Variants in WWOX observed in about 807,000 individuals in gnomAD.
WWOX encodes the protein WW domain containing oxidoreductase, also known as WW domain-containing oxidoreductase.
In WWOX, 69 loss-of-function variants were observed where a neutral mutation model predicts 46.2. The ratio of observed to expected loss-of-function variants is 1.49; its 90% CI spans 1.23 to 1.82. WWOX has a LOEUF of 1.82. WWOX is among the 40% of genes most tolerant of loss of function. The probability of loss-of-function intolerance (pLI) is 0.00; values close to 1 mark genes in which losing one functional copy is unlikely to be tolerated. For synonymous variants in WWOX, 359 were observed against 202.6 expected (o/e 1.77, Z -6.56); for missense variants, 919 against 542.6 (o/e 1.69, Z -6.89).
At chr16:78,797,588 A>C (rs1841924789) in intron 8 of WWOX, among the ~76,000 whole-genome samples, 1 of 152,118 alleles carries the variant, frequency 6.6e-6, no homozygotes, top group African/African-American at 2.4e-5. Context: ...TAGTCATGTC[A>C]ATATTCCTGA....
chr16:78,557,386 C>T (rs896057887), intron 8 of WWOX, among the ~76,000 whole-genome samples: 1 of 152,092 alleles, frequency 6.6e-6, no homozygotes, highest in African/African-American at 2.4e-5. Flanking sequence ...ATCTCTTAGC[C>T]CTCAATTGTC....
chr16:78,818,577 A>G (rs979543115), intron 8 of WWOX, among the ~76,000 whole-genome samples: 1 of 152,134 alleles, frequency 6.6e-6, no homozygotes, highest in Admixed American at 6.5e-5. Flanking sequence ...CAAAAAGTTT[A>G]AAAATCGGCT....
At chr16:79,114,155 G>T (rs1319512798) in intron 8 of WWOX, among the ~76,000 whole-genome samples, 1 of 152,092 alleles carries the variant, frequency 6.6e-6, no homozygotes, top group Non-Finnish European at 1.5e-5. Context: ...TTTAATTGCT[G>T]CTTGTTAAGT....
intron 8 of WWOX, among the ~76,000 whole-genome samples, chr16:78,795,897 A>T (rs2050723283): frequency 6.6e-6 from 1 of 152,192 alleles, no homozygotes; most frequent in Non-Finnish European, 1.5e-5. Flanking sequence ...GTCAAGTGGA[A>T]ACAAAAGTAT....
Position 78,350,956 on chromosome 16 carries a change from ACTCGCT to A in WWOX, c.517-35903_517-35898del, listed in dbSNP as rs2081172500. ...CCGATTTCTCCATATCTTCACCAGCACTCGCTGTCATTTTTCTTTTTAGTCTTGTCA... is the reference window on the plus strand; with the variant it reads ...CCGATTTCTCCATATCTTCACCAGCAGTCATTTTTCTTTTTAGTCTTGTCA... On this transcript the variant is annotated intron_variant, in intron 5 of 8. Transcript: ENST00000566780. 3.5e-5 allele frequency among the ~76,000 whole-genome samples: 2 copies of A among 56,344 alleles called. 1 individual carries two copies. The highest frequency in any genetic ancestry group is 1.1e-4 in the Non-Finnish European group (2 of 17,706). 37.0% of individuals were successfully genotyped at this position (56,344 alleles called of 152,430 possible).
intron 8 of WWOX, among the ~76,000 whole-genome samples, chr16:78,812,508 G>A (rs1487869735): frequency 6.6e-6 from 1 of 152,062 alleles, no homozygotes; most frequent in Non-Finnish European, 1.5e-5. Flanking sequence ...GATCACCTGA[G>A]GTCAGGAGTT....
chr16:79,009,704 G>A (rs563021021), intron 8 of WWOX, among the ~76,000 whole-genome samples: 1 of 152,264 alleles, frequency 6.6e-6, no homozygotes, highest in Non-Finnish European at 1.5e-5. Context: ...ACCCACCTCA[G>A]CTTCCCAAAG....
intron 5 of WWOX, among the ~76,000 whole-genome samples, chr16:78,310,962 A>G (rs1449040957): frequency 6.6e-6 from 1 of 152,228 alleles, no homozygotes; most frequent in African/African-American, 2.4e-5. Context: ...CCAGAGAAAT[A>G]GACGAGTGAG....
intron 8 of WWOX, among the ~76,000 whole-genome samples, chr16:78,888,861 G>A (rs1294506759): frequency 6.6e-6 from 1 of 151,918 alleles, no homozygotes; most frequent in Non-Finnish European, 1.5e-5. Flanking sequence ...AGACTGCCCA[G>A]CAGTATTTCT....
chr16:78,650,904 G>C (rs1453266577), intron 8 of WWOX, among the ~76,000 whole-genome samples: 1 of 152,214 alleles, frequency 6.6e-6, no homozygotes, highest in Non-Finnish European at 1.5e-5. Context: ...ATTGGAAATG[G>C]AATAGAGAAA....
At chr16:78,170,317 T>G (rs996097425) in intron 5 of WWOX, among the ~76,000 whole-genome samples, 2 of 152,230 alleles carry the variant, frequency 1.3e-5, no homozygotes, top group African/African-American at 4.8e-5. Context: ...ATGCACATCA[T>G]AATATCTCTA....
At chr16:78,556,853 G>A (rs528440345) in intron 8 of WWOX, among the ~76,000 whole-genome samples, 41 of 151,820 alleles carry the variant, frequency 2.7e-4, no homozygotes, top group African/African-American at 9.4e-4. Context: ...CAAGTAACTG[G>A]GATTACAGGT....
At chr16:78,108,645 A>AGATG (rs2032304862) in intron 2 of WWOX, among the ~76,000 whole-genome samples, 158 bp downstream of exon 2, 1 of 152,184 alleles carries the variant, frequency 6.6e-6, no homozygotes, top group African/African-American at 2.4e-5. Flanking sequence ...TGGCAGAAGA[A>AGATG]GATGATGAGA....
intron 8 of WWOX, among the ~76,000 whole-genome samples, chr16:78,733,299 TA>T (rs1269874975): frequency 5.9e-5 from 9 of 151,944 alleles, no homozygotes; most frequent in Admixed American, 5.2e-4. Flanking sequence ...CTACAAAAAA[TA>T]ATAAATTAGC....
chr16:78,867,389 C>T (rs564855675), intron 8 of WWOX, among the ~76,000 whole-genome samples: 1 of 152,136 alleles, frequency 6.6e-6, no homozygotes, highest in Non-Finnish European at 1.5e-5. Context: ...ATCTTTTACA[C>T]ATCTTACCTC....
intron 8 of WWOX, among the ~76,000 whole-genome samples, chr16:78,715,372 T>A (rs2048536641): frequency 6.6e-6 from 1 of 152,160 alleles, no homozygotes; most frequent in African/African-American, 2.4e-5. Context: ...TTCTCTAGGT[T>A]ATTCATTCTT....
intron 6 of WWOX, among the ~76,000 whole-genome samples, chr16:78,395,120 G>C (rs1469736885): frequency 1.3e-5 from 2 of 152,182 alleles, no homozygotes; most frequent in East Asian, 1.9e-4. Context: ...AAAGGTTTCT[G>C]AGAATATATA....
At position 79,113,011 on chromosome 16, in the gene WWOX, G is replaced by C. The variant is rs181065542; in HGVS notation, c.1057-98597G>C. ...CTTCATGATCTAGCAAGTTCTTGTT[G>C]AGTGCCAGCCCAGTGCCAGGTGCTG... On this transcript the variant is annotated intron_variant, in intron 8 of 8. Coordinates refer to ENST00000566780, the MANE Select transcript of WWOX (RefSeq NM_016373.4). Among the ~76,000 whole-genome samples, 726 of 152,326 alleles carry C rather than the reference G, an allele frequency of 4.8e-3. 6 individuals are homozygous for C. Among genetic ancestry groups the C allele is most frequent in the African/African-American group, 0.017 (704 of 41,568 alleles).
At chr16:79,110,086 C>A (rs12716868) in intron 8 of WWOX, among the ~76,000 whole-genome samples, 43,962 of 151,984 alleles carry the variant, frequency 0.29, 7,383 homozygotes, top group African/African-American at 0.46. Flanking sequence ...TTCAGACTTT[C>A]GCTTAGCAAC....
Sources: gnomAD v4.1 joint callset for allele counts (sites outside exome capture counted in the v4.1 genomes callset) on GRCh38, gnomAD v4.1.1 for gene constraint, MANE v1.5 for transcripts, NCBI Gene and HGNC (gene_info 2026-07-23, HGNC 2026-07-21) for gene names.